PPARGC1A: variants seen among roughly 807,000 people sequenced by gnomAD.
PPARGC1A encodes the protein peroxisome proliferator-activated receptor gamma coactivator 1-alpha.
PPARGC1A carries 25 observed loss-of-function variants against 88.7 expected under a neutral mutation model. That is an observed-to-expected ratio of 0.28 (90% confidence interval 0.21 to 0.39). The LOEUF (loss-of-function observed/expected upper bound fraction) is 0.39, where lower values mean the gene tolerates loss of function less well. PPARGC1A is among the 10% of genes least tolerant of loss of function. The pLI is 1.00. For missense variants in PPARGC1A, 880 were observed against 968.7 expected (o/e 0.91, Z 1.22); for synonymous variants, 363 against 355.6 (o/e 1.02, Z -0.24).
chr4:23,815,131 A>G (rs1577374546), intron 7 of PPARGC1A, among the ~76,000 whole-genome samples: 2 of 152,010 alleles, frequency 1.3e-5, no homozygotes, highest in African/African-American at 4.8e-5. Flanking sequence ...AGAAGAAAAA[A>G]AAAAAAAAAA....
At chr4:24,226,802 G>T in the PPARGC1A span, among the ~76,000 whole-genome samples, 3 of 152,146 alleles carry the variant, frequency 2.0e-5, no homozygotes, top group Admixed American at 6.5e-5. Context: ...AGATGATCTG[G>T]CTCAACCCCT....
At chr4:23,926,691 T>G in the PPARGC1A span, among the ~76,000 whole-genome samples, 1 of 152,218 alleles carries the variant, frequency 6.6e-6, no homozygotes, top group Admixed American at 6.5e-5. Flanking sequence ...TCCTTTTTCC[T>G]TATCTAACTC....
At chr4:24,268,314 C>T in the PPARGC1A span, among the ~76,000 whole-genome samples, 358 of 152,320 alleles carry the variant, frequency 2.4e-3, 1 homozygote, top group African/African-American at 7.8e-3. Flanking sequence ...AAGGTCACTG[C>T]TATGAGTTCA....
At chr4:24,293,605 T>G in the PPARGC1A span, among the ~76,000 whole-genome samples, 2 of 60,412 alleles carry the variant, frequency 3.3e-5, no homozygotes, top group Non-Finnish European at 5.9e-5. Context: ...CCCCACCCCT[T>G]CCTGTGTTCC....
the PPARGC1A span, among the ~76,000 whole-genome samples, chr4:24,339,223 TATATATATATATATACAC>T: frequency 1.4e-4 from 10 of 72,438 alleles, no homozygotes; most frequent in Non-Finnish European, 2.7e-4. Context: ...TATATATATA[TATATATATATATATACAC>T]ACACACACAC....
the PPARGC1A span, among the ~76,000 whole-genome samples, chr4:24,380,765 T>C: frequency 1.3e-5 from 2 of 152,118 alleles, no homozygotes; most frequent in Non-Finnish European, 2.9e-5. Context: ...GAGAAGAGCG[T>C]CTAAAGCCCT....
At chr4:24,018,438 A>G in the PPARGC1A span, among the ~76,000 whole-genome samples, 1 of 152,136 alleles carries the variant, frequency 6.6e-6, no homozygotes, top group African/African-American at 2.4e-5. Flanking sequence ...TTTACAGCTT[A>G]TCCAATTTAA....
At chr4:24,148,059 T>G in the PPARGC1A span, among the ~76,000 whole-genome samples, 2 of 152,158 alleles carry the variant, frequency 1.3e-5, no homozygotes, top group South Asian at 2.1e-4. Flanking sequence ...TTCTTAGAGA[T>G]AGAGAGAGAT....
At chr4:24,116,203 G>C in the PPARGC1A span, among the ~76,000 whole-genome samples, 48 of 152,186 alleles carry the variant, frequency 3.2e-4, no homozygotes, top group East Asian at 5.8e-3. Flanking sequence ...CATCCAACTA[G>C]ATAACTCATT....
chr4:23,870,844 C>A (rs1449179415), intron 2 of PPARGC1A, among the ~76,000 whole-genome samples: 2 of 151,490 alleles, frequency 1.3e-5, no homozygotes, highest in African/African-American at 4.9e-5. Context: ...AAAATGCGTA[C>A]TATCTATGGA....
chr4:24,380,251 C>T, the PPARGC1A span, among the ~76,000 whole-genome samples: 83 of 152,156 alleles, frequency 5.5e-4, no homozygotes, highest in African/African-American at 1.9e-3. Flanking sequence ...AGGAAGAAAA[C>T]CTTTAAGTGT....
At chr4:23,810,831 T>C (rs750181967) in intron 10 of PPARGC1A, among the ~76,000 whole-genome samples, 1 of 152,240 alleles carries the variant, frequency 6.6e-6, no homozygotes, top group Non-Finnish European at 1.5e-5. Context: ...TTTGTAATGA[T>C]TATAATGTGC....
At chr4:24,252,767 T>C in the PPARGC1A span, among the ~76,000 whole-genome samples, 6 of 152,328 alleles carry the variant, frequency 3.9e-5, no homozygotes, top group South Asian at 1.2e-3. Context: ...ACTGAAATAA[T>C]ACAACCTTCT....
chr4:23,943,484 G>T, the PPARGC1A span, among the ~76,000 whole-genome samples: 1 of 151,166 alleles, frequency 6.6e-6, no homozygotes, highest in Non-Finnish European at 1.5e-5. Context: ...TATTTGTAAA[G>T]GATATTCATG....
chr4:23,916,511 A>T, the PPARGC1A span, among the ~76,000 whole-genome samples: 1 of 152,188 alleles, frequency 6.6e-6, no homozygotes. Context: ...TGTTTATGAA[A>T]ACATAATTTT....
At chr4:24,023,135 G>A in the PPARGC1A span, among the ~76,000 whole-genome samples, 141,152 of 152,106 alleles carry the variant, frequency 0.93, 65,500 homozygotes, top group Admixed American at 0.95. Flanking sequence ...TTGTATGGTT[G>A]TTATATTAGA....
At chr4:24,024,586 C>T in the PPARGC1A span, among the ~76,000 whole-genome samples, 1 of 152,278 alleles carries the variant, frequency 6.6e-6, no homozygotes, top group Admixed American at 6.5e-5. Context: ...TGATGGGCAG[C>T]AATTTAGATC....
the PPARGC1A span, among the ~76,000 whole-genome samples, chr4:23,981,138 G>A: frequency 6.6e-6 from 1 of 151,740 alleles, no homozygotes; most frequent in African/African-American, 2.4e-5. Context: ...TATCTCTTTT[G>A]ATCTTCCCAA....
chr4:23,886,875 C>A (rs112586739), intron 1 of PPARGC1A, among the ~76,000 whole-genome samples: 14 of 122,074 alleles, frequency 1.1e-4, no homozygotes, highest in Non-Finnish European at 1.3e-4. Flanking sequence ...AAAAAAAAAA[C>A]ATGAACAACA....
Sources: allele counts gnomAD v4.1 joint callset (sites outside exome capture counted in the v4.1 genomes callset), GRCh38; gene constraint gnomAD v4.1.1; transcripts MANE v1.5; gene names NCBI Gene and HGNC (gene_info 2026-07-23, HGNC 2026-07-21).